Variants in SLC6A6 observed in about 807,000 individuals in gnomAD.
The protein encoded by SLC6A6 is solute carrier family 6 member 6, also known as sodium- and chloride-dependent taurine transporter.
SLC6A6 carries 16 observed loss-of-function variants against 68.8 expected under a neutral mutation model. The ratio of observed to expected loss-of-function variants is 0.23; its 90% CI spans 0.16 to 0.35. The LOEUF (loss-of-function observed/expected upper bound fraction) is 0.35. Ranked by LOEUF, SLC6A6 falls within the 10% of genes least tolerant of loss-of-function variation. The probability of loss-of-function intolerance (pLI) is 1.00; values close to 1 mark genes in which losing one functional copy is unlikely to be tolerated. For missense variants in SLC6A6, 474 were observed against 802.8 expected, an observed-to-expected ratio of 0.59 and a Z score of 4.95; for synonymous variants, 312 against 315.4, an observed-to-expected ratio of 0.99 and a Z score of 0.12.
chr3:14,402,831 C>A lies in SLC6A6; in HGVS notation c.-70C>A, dbSNP rs1357893361. On this transcript the variant is annotated 5_prime_UTR_variant, in exon 1 of 15. Coordinates refer to ENST00000622186, the MANE Select transcript of SLC6A6 (RefSeq NM_003043.6). The surrounding 1 kb of genome is among the most constrained non-coding windows in gnomAD (Gnocchi z 4.8). ...GCACAGCCGAGCAGAGCGCGGGCGG[C>A]GCCGCAGCCACCCCAGGTACCGGAG... 3 of 396,964 alleles carry A rather than the reference C, an allele frequency of 7.6e-6. No homozygotes were observed. Among genetic ancestry groups the A allele is most frequent in the Non-Finnish European group, 1.3e-5 (3 of 225,026 alleles). 24.6% of individuals were successfully genotyped at this position (396,964 alleles called of 1,614,324 possible).
intron 2 of SLC6A6, among the ~76,000 whole-genome samples, chr3:14,420,522 G>A (rs1415638442): frequency 8.4e-6 from 1 of 119,308 alleles, no homozygotes; most frequent in African/African-American, 3.5e-5. Context: ...ACAGAGTCTT[G>A]CTCTGTCACC....
At position 14,402,623 on chromosome 3, in the gene SLC6A6, A is replaced by G. The variant is rs1699008486; in HGVS notation, c.-278A>G. On this transcript the variant is annotated 5_prime_UTR_variant, in exon 1 of 15. Transcript: ENST00000622186. This position sits in a 1 kb window ranked among gnomAD's most constrained non-coding sequence, Gnocchi z 4.8. ...GTGATGCTGAGAGCTGCCTGCTCAG[A>G]CAACAGACACGCGAGGTCAGGAAGA... The G allele has an allele frequency of 2.5e-6, 1 of 397,480 alleles. No individual in the cohort carries two copies. The highest frequency in any genetic ancestry group is 2.1e-5 in the African/African-American group (1 of 48,380). 24.6% of individuals were successfully genotyped at this position (397,480 alleles called of 1,614,324 possible). A position where few individuals can be genotyped will look rare whatever the true frequency, so the allele number is the denominator to read the frequency against.
intron 5 of SLC6A6, among the ~76,000 whole-genome samples, chr3:14,454,365 A>G (rs1700322058): frequency 6.6e-6 from 1 of 152,108 alleles, no homozygotes; most frequent in Non-Finnish European, 1.5e-5. Flanking sequence ...GGTGAGTGGC[A>G]GGGCGCCATG....
intron 2 of SLC6A6, among the ~76,000 whole-genome samples, chr3:14,418,546 C>T (rs1404212654): frequency 1.3e-5 from 2 of 152,146 alleles, no homozygotes; most frequent in South Asian, 2.1e-4. Flanking sequence ...CCTCCACAGG[C>T]GTCATCATAA....
At chr3:14,413,926 C>A (rs964691128) in intron 1 of SLC6A6, among the ~76,000 whole-genome samples, 2 of 152,166 alleles carry the variant, frequency 1.3e-5, no homozygotes, top group Non-Finnish European at 2.9e-5. Flanking sequence ...AAACAGACTT[C>A]AGTTTTATTT....
At position 14,477,306 on chromosome 3, in the gene SLC6A6, C is replaced by T. The variant is rs1232417498; in HGVS notation, c.1311C>T (p.Ser437=). The change falls in exon 11 of 15, where the codon AGC becomes AGT. Residue 437 remains serine (S), a synonymous_variant. Coordinates refer to ENST00000622186, the MANE Select transcript of SLC6A6 (RefSeq NM_003043.6). This position sits in a 1 kb window ranked among gnomAD's most constrained non-coding sequence, Gnocchi z 4.2. ...RREIFIAFVC[S]ISYLLGLTMV... ...AAATCTTCATCGCCTTCGTGTGTAG[C>T]ATCAGCTACCTGCTGGGGCTGACGA... 2 of 1,614,126 alleles carry T rather than the reference C, an allele frequency of 1.2e-6. No individual in the cohort carries two copies. Among genetic ancestry groups the T allele is most frequent in the Non-Finnish European group, 1.7e-6 (2 of 1,179,946 alleles).
intron 2 of SLC6A6, among the ~76,000 whole-genome samples, chr3:14,416,835 T>C (rs1699372721): frequency 6.6e-6 from 1 of 152,194 alleles, no homozygotes; most frequent in African/African-American, 2.4e-5. Flanking sequence ...CTTGGCTCTG[T>C]CTCTGTTAAA....
intron 2 of SLC6A6, among the ~76,000 whole-genome samples, chr3:14,437,994 A>ATTTTTT (rs34038422): frequency 4.2e-4 from 50 of 118,176 alleles, no homozygotes; most frequent in Non-Finnish European, 5.6e-4. Flanking sequence ...CATCTGGCTA[A>ATTTTTT]TTTTTTTTTT....
rs1701140693 is a variant in SLC6A6, at chr3:14,485,693, TGAG to T, written c.*691_*693del. ...ATAAAGGAGACTGGCTGAAGCTGAA[TGAG>T]GAGGCCCTATAGCAGAAGTCTGATT... On this transcript the variant is annotated 3_prime_UTR_variant, in exon 15 of 15. Coordinates refer to ENST00000622186, the MANE Select transcript of SLC6A6 (RefSeq NM_003043.6). The T allele has an allele frequency of 6.6e-6, 1 of 152,646 alleles. No homozygotes were observed. Among genetic ancestry groups the T allele is most frequent in the Admixed American group, 6.5e-5 (1 of 15,284 alleles). The allele number at this position is 152,646 out of a possible 1,614,324, so 9.5% of individuals were successfully genotyped here.
intron 1 of SLC6A6, among the ~76,000 whole-genome samples, chr3:14,410,793 G>A (rs991846071): frequency 1.3e-5 from 2 of 152,230 alleles, no homozygotes; most frequent in Non-Finnish European, 2.9e-5. Flanking sequence ...TCACTGTCAT[G>A]TTCCAGTGGA....
At chr3:14,457,053 G>T (rs778930279) in intron 5 of SLC6A6, among the ~76,000 whole-genome samples, 1 of 152,190 alleles carries the variant, frequency 6.6e-6, no homozygotes, top group African/African-American at 2.4e-5. Context: ...ACCCTGCATC[G>T]CCCTGGCCTG....
chr3:14,435,704 C>T (rs1699836946), intron 2 of SLC6A6, among the ~76,000 whole-genome samples: 1 of 152,342 alleles, frequency 6.6e-6, no homozygotes, highest in Admixed American at 6.5e-5. Flanking sequence ...CCAAAGAGAG[C>T]AGACTGGCCA....
Position 14,485,151 on chromosome 3 carries a change from T to TGCGC in SLC6A6, c.*145_*146insCGCG. 1.8e-6 allele frequency: 1 copy of TGCGC among 557,574 alleles called. No homozygotes were observed. The highest frequency in any genetic ancestry group is 2.3e-5 in the South Asian group (1 of 44,064). The allele number at this position is 557,574 out of a possible 1,614,324, so 34.5% of individuals were successfully genotyped here. A position where few individuals can be genotyped will look rare whatever the true frequency, so the allele number is the denominator to read the frequency against. Reference sequence around the variant, plus strand: ...CACAGAAAATGTAATTGTGGGTATGTGTGCGTGCGTGTGTGTGTGTGTGTG... The same window carrying TGCGC: ...CACAGAAAATGTAATTGTGGGTATGTGCGCGTGCGTGCGTGTGTGTGTGTGTGTG... On this transcript the variant is annotated 3_prime_UTR_variant, in exon 15 of 15. Coordinates refer to ENST00000622186, the MANE Select transcript of SLC6A6 (RefSeq NM_003043.6).
In SLC6A6 at chr3:14,472,249, A is replaced by T; in HGVS notation, c.1141A>T (p.Met381Leu). 6.2e-7 allele frequency: 1 copy of T among 1,613,994 alleles called. No homozygotes were observed. ...FIAYPKAVTM[M>L]PLPTFWSILF... ...TGCCTACCCAAAAGCTGTGACAATG[A>T]TGCCGCTGCCCACATTTTGGTCCAT... Residue 381 changes from methionine to leucine, a missense_variant, in exon 10 of 15, where the codon ATG (methionine) becomes TTG (leucine). Around this residue, in one of 2 missense-constraint regions of SLC6A6, gnomAD observed 280 missense variants for 533.1 expected, o/e 0.53. Transcript: ENST00000622186. The surrounding 1 kb of genome is among the most constrained non-coding windows in gnomAD (Gnocchi z 4.5).
chr3:14,442,185 G>T (rs185445502), intron 2 of SLC6A6, among the ~76,000 whole-genome samples: 1 of 152,146 alleles, frequency 6.6e-6, no homozygotes. Flanking sequence ...AGCTCACTGT[G>T]GTCCAACCTT....
intron 2 of SLC6A6, among the ~76,000 whole-genome samples, chr3:14,437,322 A>G (rs1699879778): frequency 6.6e-6 from 1 of 151,984 alleles, no homozygotes; most frequent in South Asian, 2.1e-4. Flanking sequence ...CAGTGGGGCA[A>G]TCATGGCTCA....
chr3:14,481,942 C>A lies in SLC6A6; in HGVS notation c.1722+101C>A. ...ATCTCAGGCAAGTCACCTGCCCTCT[C>A]TGAGCCATAGTTCCCTCACCCATCC... On this transcript the variant is annotated intron_variant, in intron 14 of 14. Transcript: ENST00000622186. This position sits in a 1 kb window ranked among gnomAD's most constrained non-coding sequence, Gnocchi z 4.7. 1 of 962,606 alleles carries A rather than the reference C, an allele frequency of 1.0e-6. No homozygotes were observed. Among genetic ancestry groups the A allele is most frequent in the Non-Finnish European group, 1.6e-6 (1 of 633,142 alleles). The allele number at this position is 962,606 out of a possible 1,614,324, so 59.6% of individuals were successfully genotyped here.
At chr3:14,410,027 A>G (rs1262396556) in intron 1 of SLC6A6, among the ~76,000 whole-genome samples, 3 of 152,058 alleles carry the variant, frequency 2.0e-5, no homozygotes, top group Non-Finnish European at 4.4e-5. Flanking sequence ...TTCTACTAAA[A>G]ATACAAAAAT....
intron 4 of SLC6A6, 146 bp downstream of exon 4, chr3:14,445,997 C>G: frequency 2.5e-6 from 2 of 797,812 alleles, no homozygotes; most frequent in Non-Finnish European, 4.0e-6. Flanking sequence ...CAGTACAGTA[C>G]CAGTGTGATG....
Sources: allele counts gnomAD v4.1 joint callset (sites outside exome capture counted in the v4.1 genomes callset), GRCh38; gene constraint gnomAD v4.1.1; regional missense constraint gnomAD v4.1.1; non-coding constraint Gnocchi (gnomAD v3.1); transcripts MANE v1.5; gene names NCBI Gene and HGNC (gene_info 2026-07-23, HGNC 2026-07-21).